The following SCAF4 variants were observed in gnomAD, a reference collection of about 807,000 sequenced individuals.
The protein encoded by SCAF4 is SR-related CTD associated factor 4, also known as SR-related and CTD-associated factor 4.
A neutral mutation model predicts 129.8 loss-of-function variants in SCAF4; 25 were observed. The ratio of observed to expected loss-of-function variants is 0.19; its 90% CI spans 0.14 to 0.27. The LOEUF (loss-of-function observed/expected upper bound fraction) is 0.27. Among genes scored for constraint, SCAF4 ranks in the 10% least tolerant of loss-of-function variants. SCAF4 has a pLI of 1.00. For missense variants in SCAF4, 1,246 were observed against 1,457.1 expected (o/e 0.86, Z 2.36); for synonymous variants, 551 against 497.7 (o/e 1.11, Z -1.43).
intron 1 of SCAF4, among the ~76,000 whole-genome samples, chr21:31,725,120 G>T (rs1042487462): frequency 1.3e-5 from 2 of 152,170 alleles, no homozygotes; most frequent in Non-Finnish European, 2.9e-5. Context: ...GTCAACTTTT[G>T]CAAGGGAAAT....
At chr21:31,729,473 T>C (rs2051291880) in intron 1 of SCAF4, among the ~76,000 whole-genome samples, 1 of 152,224 alleles carries the variant, frequency 6.6e-6, no homozygotes, top group African/African-American at 2.4e-5. Context: ...CTGAAATCCT[T>C]GGTAGCTCTA....
intron 14 of SCAF4, among the ~76,000 whole-genome samples, chr21:31,691,484 A>G (rs1351382769): frequency 6.6e-6 from 1 of 152,178 alleles, no homozygotes; most frequent in African/African-American, 2.4e-5. Flanking sequence ...GGCAAACTTT[A>G]AAAATACAGT....
chr21:31,710,046 T>C, intron 1 of SCAF4, among the ~76,000 whole-genome samples: 1 of 151,570 alleles, frequency 6.6e-6, no homozygotes, highest in South Asian at 2.1e-4. Flanking sequence ...AAAAAAAAAA[T>C]CCAGGAAGGC....
intron 16 of SCAF4, among the ~76,000 whole-genome samples, chr21:31,687,967 G>A (rs1346049239): frequency 6.6e-6 from 1 of 151,584 alleles, no homozygotes; most frequent in Admixed American, 6.6e-5. Context: ...AATTAGCCAG[G>A]TGTGGTGGCA....
intron 19 of SCAF4, among the ~76,000 whole-genome samples, chr21:31,674,131 G>A (rs1222605706): frequency 6.6e-6 from 1 of 152,148 alleles, no homozygotes; most frequent in Admixed American, 6.5e-5. Flanking sequence ...ATCTGACAGT[G>A]GCCAAAGGAT....
At chr21:31,720,551 C>T (rs1357580195) in intron 1 of SCAF4, among the ~76,000 whole-genome samples, 2 of 152,162 alleles carry the variant, frequency 1.3e-5, no homozygotes, top group African/African-American at 4.8e-5. Context: ...TCACAGCAGC[C>T]ATGTGGGGCT....
At chr21:31,694,029 G>GTT (rs565283800) in intron 11 of SCAF4, among the ~76,000 whole-genome samples, 175 bp downstream of exon 11, 23 of 146,256 alleles carry the variant, frequency 1.6e-4, no homozygotes, top group Non-Finnish European at 3.0e-5. Context: ...GAATGATGTA[G>GTT]TTTTTTTTTT....
intron 8 of SCAF4, 110 bp downstream of exon 8, chr21:31,696,459 T>C (rs1000390355): frequency 2.1e-5 from 25 of 1,171,914 alleles, no homozygotes; most frequent in African/African-American, 3.1e-5. Flanking sequence ...ACCACAAATT[T>C]TACAAAACAA....
rs373573194 is a variant in SCAF4, at chr21:31,688,470, A to C, written c.1886-6T>G. 3.7e-5 allele frequency: 59 copies of C among 1,609,532 alleles called. No homozygotes were observed. Among genetic ancestry groups the C allele is most frequent in the Non-Finnish European group, 4.8e-5 (57 of 1,176,960 alleles). On this transcript the variant is annotated splice_polypyrimidine_tract_variant and splice_region_variant and intron_variant, in intron 15 of 19. Transcript: ENST00000286835. ...CTTAGGAATTCCTTTCCAATCTGTG[A>C]GCGTGAAAGAAATTTAACAAGAGTT...
chr21:31,716,047 T>C (rs1459483613), intron 1 of SCAF4, among the ~76,000 whole-genome samples: 8 of 152,162 alleles, frequency 5.3e-5, no homozygotes, highest in African/African-American at 1.2e-4. Context: ...TTCTAAAGTA[T>C]GCTTTTTCCT....
intron 1 of SCAF4, among the ~76,000 whole-genome samples, chr21:31,723,974 T>C (rs115573298): frequency 4.6e-5 from 7 of 152,218 alleles, no homozygotes; most frequent in Non-Finnish European, 2.9e-5. Flanking sequence ...ACTGCTGAGT[T>C]ACACTGGTTT....
chr21:31,727,671 A>C (rs1318075146), intron 1 of SCAF4, among the ~76,000 whole-genome samples: 1 of 152,066 alleles, frequency 6.6e-6, no homozygotes, highest in Admixed American at 6.6e-5. Context: ...GTGCTCCTGT[A>C]GTCCCAGCTA....
chr21:31,694,189 T>C lies in SCAF4; in HGVS notation c.1322+15A>G. On this transcript the variant is annotated intron_variant, in intron 11 of 19. Transcript: ENST00000286835. ...AAGATATACAGGGTTGGAAAAAACA[T>C]TTTCTATAAATTACCTGGATGCTGA... The C allele has an allele frequency of 1.3e-6, 2 of 1,534,660 alleles. No individual in the cohort carries two copies. Among genetic ancestry groups the C allele is most frequent in the Admixed American group, 3.5e-5 (2 of 57,958 alleles).
At chr21:31,674,664 T>C (rs1436907249) in intron 19 of SCAF4, among the ~76,000 whole-genome samples, 1 of 152,202 alleles carries the variant, frequency 6.6e-6, no homozygotes, top group African/African-American at 2.4e-5. Flanking sequence ...TTAGGAAAGC[T>C]GGCATTAGGC....
chr21:31,723,609 G>GTTTGT (rs112184778), intron 1 of SCAF4, among the ~76,000 whole-genome samples: 225 of 146,118 alleles, frequency 1.5e-3, no homozygotes, highest in African/African-American at 5.2e-3. Context: ...TGATTTATAT[G>GTTTGT]ATGTGTGTGT....
intron 1 of SCAF4, among the ~76,000 whole-genome samples, chr21:31,721,725 C>CTGTTTTT (rs1335252824): frequency 8.0e-6 from 1 of 125,450 alleles, no homozygotes; most frequent in African/African-American, 2.9e-5. Flanking sequence ...AAGAGCAATT[C>CTGTTTTT]TTTTTTTTTT....
chr21:31,680,852 T>C (rs1601184942), intron 19 of SCAF4, among the ~76,000 whole-genome samples: 2 of 152,330 alleles, frequency 1.3e-5, no homozygotes, highest in Non-Finnish European at 2.9e-5. Context: ...ATCATCAAAA[T>C]CAAATTCCTA....
At position 31,693,392 on chromosome 21, in the gene SCAF4, T is replaced by A; in HGVS notation, c.1415A>T (p.His472Leu). 6.3e-7 allele frequency: 1 copy of A among 1,583,726 alleles called. No homozygotes were observed. The highest frequency in any genetic ancestry group is 8.6e-7 in the Non-Finnish European group (1 of 1,158,370). ...SRSRSRDRRRHSPRSRSQERR... is the reference protein window; with the variant it reads ...SRSRSRDRRRLSPRSRSQERR... ...TTCTTGAGATCGAGATCGGGGAGAA[T>A]GTCGGCGTCTATCCCTGGACCGAGA... Residue 472 changes from histidine (H) to leucine (L), a missense_variant, in exon 12 of 20, where the codon CAT becomes CTT. By Grantham distance (99) the His-to-Leu change is moderately conservative. This residue lies in a region of SCAF4 where 468 missense variants were observed against 605.5 expected (regional missense o/e 0.77). Transcript: ENST00000286835.
intron 11 of SCAF4, 46 bp downstream of exon 11, chr21:31,694,158 T>C (rs2050325572): frequency 2.0e-6 from 2 of 981,054 alleles, no homozygotes; most frequent in African/African-American, 1.6e-5. Flanking sequence ...AATTTCTATG[T>C]CCCCTAAGAT....
Sources: gnomAD v4.1 joint callset for allele counts (sites outside exome capture counted in the v4.1 genomes callset) on GRCh38, gnomAD v4.1.1 for gene constraint, gnomAD v4.1.1 regional missense constraint, MANE v1.5 for transcripts, NCBI Gene and HGNC (gene_info 2026-07-23, HGNC 2026-07-21) for gene names.